The following TONSL variants were observed in gnomAD, a reference collection of about 807,000 sequenced individuals.
The protein encoded by TONSL is tonsoku-like protein.
A neutral mutation model predicts 147.1 loss-of-function variants in TONSL; 112 were observed. The observed-to-expected ratio is 0.76, with a 90% CI of 0.65 to 0.89. TONSL has a LOEUF of 0.89. TONSL is among the 40% of genes least tolerant of loss of function. The pLI is 0.00. For missense variants in TONSL, 1,883 were observed against 1,864.6 expected, an observed-to-expected ratio of 1.01 and a Z score of -0.18; for synonymous variants, 868 against 801.5, an observed-to-expected ratio of 1.08 and a Z score of -1.40.
rs1435018659 is a variant in TONSL, at chr8:144,430,415, AG to A, written c.3931del (p.Gly1312AlafsTer19). The A allele has an allele frequency of 1.9e-6, 3 of 1,608,722 alleles. No homozygotes were observed. Among genetic ancestry groups the A allele is most frequent in the Non-Finnish European group, 2.5e-6 (3 of 1,177,630 alleles). On this transcript the variant is annotated frameshift_variant, in exon 25 of 26. Coordinates refer to ENST00000409379, the MANE Select transcript of TONSL (RefSeq NM_013432.5). LOFTEE classifies it low-confidence loss of function (END_TRUNC). The stretch of plus-strand genomic sequence containing the variant: ...ATACCAGCACTCACCTGACAGGCCA[AG>A]GAAGCTAAGGCCTTGGGGCCGCTTT... ...LQKRPQGLSF[L>X]GLSGCAVQGP...
At chr8:144,431,832 CTTTT>C (rs35278312) in intron 23 of TONSL, among the ~76,000 whole-genome samples, 2 of 124,820 alleles carry the variant, frequency 1.6e-5, no homozygotes, top group Non-Finnish European at 3.4e-5. Flanking sequence ...CTTTTTCTTT[CTTTT>C]TTTTTTTTTT....
chr8:144,444,300 G>A, intron 1 of TONSL, 25 bp from the exon 2 acceptor site: 1 of 1,365,248 alleles, frequency 7.3e-7, no homozygotes, highest in Non-Finnish European at 9.5e-7. Flanking sequence ...GGAGGGCTGG[G>A]CCTCCGCGGC....
At chr8:144,441,263 G>A in intron 7 of TONSL, 152 bp from the exon 8 acceptor site, 1 of 1,147,580 alleles carries the variant, frequency 8.7e-7, no homozygotes, top group South Asian at 1.6e-5. Flanking sequence ...GGTCTATCTT[G>A]GGGACTGGTC....
intron 20 of TONSL, among the ~76,000 whole-genome samples, chr8:144,434,589 T>G (rs1415726226): frequency 1.3e-5 from 2 of 152,176 alleles, no homozygotes; most frequent in African/African-American, 2.4e-5. Context: ...TTTCCAGGCT[T>G]TCGGCTGCTT....
Position 144,435,555 on chromosome 8 carries a change from C to G in TONSL, c.2776-5G>C. On this transcript the variant is annotated splice_region_variant and splice_polypyrimidine_tract_variant and intron_variant, in intron 17 of 25. Coordinates refer to ENST00000409379, the MANE Select transcript of TONSL (RefSeq NM_013432.5). ...GGGAGGGGGCGGGGCCGGACCCTGG[C>G]AGGTGAAGGCAGCAGGGCTGAGTCA... 1 of 1,552,210 alleles carries G rather than the reference C, an allele frequency of 6.4e-7. No homozygotes were observed. Among genetic ancestry groups the G allele is most frequent in the South Asian group, 1.2e-5 (1 of 84,204 alleles).
chr8:144,433,687 G>A lies in TONSL; in HGVS notation c.3460C>T (p.His1154Tyr). 1 of 1,612,366 alleles carries A rather than the reference G, an allele frequency of 6.2e-7. No individual in the cohort carries two copies. The highest frequency in any genetic ancestry group is 8.5e-7 in the Non-Finnish European group (1 of 1,179,676). ...AGGGTGCTGAGTAAGGGGCAGGCGT[G>A]CAGGAGGGAGGCCAGGGACTGGCCA... ...GCGQSLASLL[H>Y]ACPLLSTLRL... The change falls in exon 22 of 26, where the codon CAC becomes TAC. Residue 1154 changes from histidine (H) to tyrosine (Y), a missense_variant. Physicochemically the swap from His to Tyr is moderately conservative, Grantham distance 83. Transcript: ENST00000409379.
At chr8:144,438,256 G>A in intron 13 of TONSL, 1 of 599,496 alleles carries the variant, frequency 1.7e-6, no homozygotes, top group African/African-American at 1.9e-5. Context: ...AGGCTGGAGT[G>A]CAGTGGCATG....
chr8:144,438,491 C>A lies in TONSL; in HGVS notation c.1633G>T (p.Val545Phe). Residue 545 changes from valine to phenylalanine, a missense_variant, in exon 13 of 26, where the codon GTC (valine) becomes TTC (phenylalanine). Transcript: ENST00000409379. ...CCCACCTGCCTCACAAGGTCCTGGA[C>A]GCGGCGCAGCTGGCCCTCGATGCAG... ...RACIEGQLRR[V>F]QDLVRQGHPL... is the part of the protein sequence containing the mutation. 1 of 1,613,002 alleles carries A rather than the reference C, an allele frequency of 6.2e-7. No homozygotes were observed. The highest frequency in any genetic ancestry group is 8.5e-7 in the Non-Finnish European group (1 of 1,179,952).
rs146853502 is a variant in TONSL at position 144,440,738 on chromosome 8, G to A, written c.1144C>T (p.Arg382Cys). 2.5e-5 allele frequency: 40 copies of A among 1,612,526 alleles called. No homozygotes were observed. The highest frequency in any genetic ancestry group is 5.0e-5 in the Admixed American group (3 of 59,996). ...VRHYEEELRLRSGNVLEEAKT... is the reference protein window; with the variant it reads ...VRHYEEELRLCSGNVLEEAKT... ...TTCACCTCCAGCACGTTGCCGCTGC[G>A]CAGCCTCAGTTCCTCCTCATAGTGG... Residue 382 changes from arginine (R) to cysteine (C), a missense_variant, in exon 9 of 26, where the codon CGC (arginine) becomes TGC (cysteine). Physicochemically the swap from Arg to Cys is radical, Grantham distance 180. Transcript: ENST00000409379.
Position 144,440,452 on chromosome 8 carries a change from C to CA in TONSL, c.1188dup (p.Ala397CysfsTer55). On this transcript the variant is annotated frameshift_variant, in exon 10 of 26. Transcript: ENST00000409379. LOFTEE classifies it high-confidence loss of function. ...TCGCCGGCCTCCTCGCGGGACAGTG[C>CA]AATGTTCAGCCAGGTCTTGGCCTCC... The CA allele has an allele frequency of 6.2e-7, 1 of 1,604,504 alleles. No individual in the cohort carries two copies. Among genetic ancestry groups the CA allele is most frequent in the Non-Finnish European group, 8.5e-7 (1 of 1,174,242 alleles).
At chr8:144,436,444 G>C in intron 16 of TONSL, 26 bp from the exon 17 acceptor site, 2 of 1,528,890 alleles carry the variant, frequency 1.3e-6, no homozygotes, top group Non-Finnish European at 1.8e-6. Context: ...TGCGTGTTGA[G>C]GCAGGGGCCC....
chr8:144,432,415 C>A lies in TONSL; in HGVS notation c.3605G>T (p.Gly1202Val), dbSNP rs2130839980. The A allele has an allele frequency of 1.3e-6, 2 of 1,587,262 alleles. No individual in the cohort carries two copies. Among genetic ancestry groups the A allele is most frequent in the South Asian group, 2.3e-5 (2 of 87,576 alleles). Reference sequence around the variant, plus strand: ...CAGGGTCCTGGCCAGGGCAGGGGCTCCCAGGGCGTTGTAGGACAGGGACAG... The same window carrying A: ...CAGGGTCCTGGCCAGGGCAGGGGCTACCAGGGCGTTGTAGGACAGGGACAG... ...KTLSLSYNAL[G>V]APALARTLQS... Residue 1202 changes from glycine (G) to valine (V), a missense_variant, in exon 23 of 26, where the codon GGA (glycine) becomes GTA (valine). Physicochemically the swap from Gly to Val is moderately radical, Grantham distance 109 (BLOSUM62 -3). Coordinates refer to ENST00000409379, the MANE Select transcript of TONSL (RefSeq NM_013432.5).
intron 25 of TONSL, 132 bp from the exon 26 acceptor site, chr8:144,429,468 C>T: frequency 1.3e-6 from 1 of 785,044 alleles, no homozygotes; most frequent in Non-Finnish European, 1.8e-6. Context: ...GTGGGCAGAG[C>T]TCCGGAGAGG....
chr8:144,438,731 G>A lies in TONSL; in HGVS notation c.1485C>T (p.Asp495=), dbSNP rs373538875. Reference sequence around the variant, plus strand: ...GCTGCGGGGTCAGGCCATCGGTGTCGTCCTCTGGAACAGAGCCAAGCCCAC... The same window carrying A: ...GCTGCGGGGTCAGGCCATCGGTGTCATCCTCTGGAACAGAGCCAAGCCCAC... ...AGEVELSEGE[D]DTDGLTPQLE... The change falls in exon 12 of 26, where the codon GAC becomes GAT. Residue 495 remains aspartate, a synonymous_variant. Transcript: ENST00000409379. 96 of 1,612,798 alleles carry A rather than the reference G, an allele frequency of 6.0e-5. No homozygotes were observed. Among genetic ancestry groups the A allele is most frequent in the Non-Finnish European group, 7.5e-5 (89 of 1,179,836 alleles).
In TONSL at chr8:144,436,358, G is replaced by A. The variant is rs754698067; in HGVS notation, c.2075C>T (p.Ser692Phe). ...TTCTGGGCAGGGGCTCAAAGGAGGAGAGGTCTCGGGGTCAAACAGAAGGCT... is the reference window on the plus strand; with the variant it reads ...TTCTGGGCAGGGGCTCAAAGGAGGAAAGGTCTCGGGGTCAAACAGAAGGCT... ...PSSLLFDPET[S>F]PPLSPCPEPP... The change falls in exon 17 of 26, where the codon TCT becomes TTT. Residue 692 changes from serine (S) to phenylalanine (F), a missense_variant. By Grantham distance (155) the Ser-to-Phe change is radical (BLOSUM62 -2). Transcript: ENST00000409379. 1 of 1,503,356 alleles carries A rather than the reference G, an allele frequency of 6.7e-7. No individual in the cohort carries two copies. Among genetic ancestry groups the A allele is most frequent in the Non-Finnish European group, 8.8e-7 (1 of 1,133,532 alleles). The allele number at this position is 1,503,356 out of a possible 1,614,324, so 93.1% of individuals were successfully genotyped here.
At chr8:144,438,321 T>C in intron 13 of TONSL, 150 bp downstream of exon 13, 2 of 734,108 alleles carry the variant, frequency 2.7e-6, no homozygotes, top group African/African-American at 1.7e-5. Context: ...TCCTCCTGCC[T>C]CTAGGACCAC....
Position 144,444,043 on chromosome 8 carries a change from C to T in TONSL, c.122-19G>A, listed in dbSNP as rs1261280918. 2.0e-6 allele frequency: 3 copies of T among 1,520,324 alleles called. No individual in the cohort carries two copies. Among genetic ancestry groups the T allele is most frequent in the South Asian group, 1.2e-5 (1 of 82,560 alleles). 94.2% of individuals were successfully genotyped at this position (1,520,324 alleles called of 1,614,324 possible). On this transcript the variant is annotated intron_variant, in intron 2 of 25. Coordinates refer to ENST00000409379, the MANE Select transcript of TONSL (RefSeq NM_013432.5). ...TAGCGGCCTAGGCGGGGGCACAGCA[C>T]GGCCTGGCAGGCGTCGCGGGTGCGA... is the stretch of plus-strand genomic sequence containing the variant.
chr8:144,441,316 G>T, intron 7 of TONSL: 1 of 708,636 alleles, frequency 1.4e-6, no homozygotes, highest in Non-Finnish European at 2.3e-6. Context: ...CTCGGGGCCA[G>T]GTACAGTGGC....
chr8:144,435,348 G>A (rs1237068104), intron 18 of TONSL, 126 bp downstream of exon 18: 9 of 1,227,230 alleles, frequency 7.3e-6, no homozygotes, highest in Non-Finnish European at 1.0e-5. Context: ...ATTCCTGGGG[G>A]CCACAGGATC....
Sources: gnomAD v4.1 joint callset for allele counts (sites outside exome capture counted in the v4.1 genomes callset) on GRCh38, gnomAD v4.1.1 for gene constraint, MANE v1.5 for transcripts, NCBI Gene and HGNC (gene_info 2026-07-23, HGNC 2026-07-21) for gene names.